The following FRMPD4 variants were observed in gnomAD, a reference collection of about 807,000 sequenced individuals.
FRMPD4 encodes the protein FERM and PDZ domain containing 4, also known as FERM and PDZ domain-containing protein 4.
FRMPD4 carries 22 observed loss-of-function variants against 94.1 expected under a neutral mutation model. The ratio of observed to expected loss-of-function variants is 0.23; its 90% confidence interval spans 0.17 to 0.33. The LOEUF (loss-of-function observed/expected upper bound fraction) is 0.33, where lower values mean the gene tolerates loss of function less well. FRMPD4 is among the 10% of genes least tolerant of loss of function. FRMPD4 has a pLI of 1.00. For synonymous variants in FRMPD4, 631 were observed against 548.6 expected (o/e 1.15, Z -2.10); for missense variants, 1,111 against 1,339.9 (o/e 0.83, Z 2.67).
chrX:12,334,950 G>A (rs769596077), intron 1 of FRMPD4, among the ~76,000 whole-genome samples: 4 of 110,378 alleles, frequency 3.6e-5, no homozygotes, highest in Non-Finnish European at 5.7e-5. Context: ...AACACTATGC[G>A]GATTATTATC....
chrX:12,614,981 A>G (rs1602212385), intron 4 of FRMPD4, 100 bp downstream of exon 4: 3 of 418,218 alleles, frequency 7.2e-6, no homozygotes, highest in Admixed American at 4.0e-5. Context: ...GGGACAATTT[A>G]GGATGGAAAT....
chrX:11,933,884 G>A (rs749281046), intron 3 of FRMPD4, among the ~76,000 whole-genome samples: 83 of 111,905 alleles, frequency 7.4e-4, no homozygotes, highest in African/African-American at 2.5e-3. Flanking sequence ...TTGTTCCCTC[G>A]TTTATGTTTG....
rs758609418 is a variant in FRMPD4, at chrX:12,063,924, A to G, written c.95+185906A>G. Among the ~76,000 whole-genome samples, 18 of 112,841 alleles carry G rather than the reference A, an allele frequency of 1.6e-4. No homozygotes were observed. In the South Asian group the frequency reaches 4.0e-3, roughly 25 times the overall value. The stretch of plus-strand genomic sequence containing the variant: ...AAATTAGTGTCATGTATAGAGAAAA[A>G]CAAATGGATTCACTTTTGTTTTGAT... On this transcript the variant is annotated intron_variant, in intron 3 of 18. Transcript: ENST00000640291.
At chrX:12,686,507 A>G (rs1796950768) in intron 7 of FRMPD4, among the ~76,000 whole-genome samples, 1 of 112,277 alleles carries the variant, frequency 8.9e-6, no homozygotes, top group African/African-American at 3.2e-5. Flanking sequence ...TAGTGTGACT[A>G]TCACCAAGAA....
At chrX:11,886,734 C>CT (rs11328004) in intron 3 of FRMPD4, among the ~76,000 whole-genome samples, 17 of 106,897 alleles carry the variant, frequency 1.6e-4, no homozygotes, top group South Asian at 4.1e-4. Context: ...GTAATCGTGA[C>CT]TTTTTTTTTT....
intron 3 of FRMPD4, among the ~76,000 whole-genome samples, chrX:12,019,167 ATT>A (rs201291254): frequency 8.9e-5 from 9 of 100,580 alleles, no homozygotes; most frequent in African/African-American, 2.2e-4. Context: ...TTGTTTAGAG[ATT>A]TTTTTTTTTT....
intron 1 of FRMPD4, among the ~76,000 whole-genome samples, chrX:11,861,524 C>G (rs2053686894): frequency 9.0e-6 from 1 of 111,730 alleles, no homozygotes. Context: ...AGCACCAGGT[C>G]AGAATTTGTC....
chrX:12,536,813 A>C (rs778755755), intron 2 of FRMPD4, among the ~76,000 whole-genome samples: 85 of 111,690 alleles, frequency 7.6e-4, no homozygotes, highest in Non-Finnish European at 1.4e-3. Flanking sequence ...AAAACAAAAA[A>C]ACATTGCAAA....
chrX:12,517,985 C>T (rs1239019566), intron 2 of FRMPD4, among the ~76,000 whole-genome samples: 5 of 112,253 alleles, frequency 4.5e-5, no homozygotes, highest in African/African-American at 1.3e-4. Context: ...AGTCTGGCCA[C>T]GATCTGCCAC....
At chrX:12,496,956 A>G (rs964529900) in intron 1 of FRMPD4, among the ~76,000 whole-genome samples, 2 of 111,735 alleles carry the variant, frequency 1.8e-5, no homozygotes, top group African/African-American at 6.5e-5. Flanking sequence ...AATAAAATTC[A>G]GCCTTCCTCC....
rs1264549776 is a variant in FRMPD4, at chrX:12,029,488, GTTCT to G, written c.95+151478_95+151481del. The stretch of plus-strand genomic sequence containing the variant: ...AATTTTAATGAAGTCCAGCTTATCA[GTTCT>G]TTCTTTCATGGATCATGCCTTTAGT... On this transcript the variant is annotated intron_variant, in intron 3 of 18. Transcript: ENST00000640291. Among the ~76,000 whole-genome samples, 4 of 111,795 alleles carry G rather than the reference GTTCT, an allele frequency of 3.6e-5. No homozygotes were observed. The East Asian group carries it at 1.1e-3, about 31-fold the overall frequency.
intron 14 of FRMPD4, 41 bp downstream of exon 14, chrX:12,710,578 A>C: frequency 8.9e-7 from 1 of 1,118,287 alleles, no homozygotes; most frequent in East Asian, 3.0e-5. Context: ...ACCTCCCTGC[A>C]AACACCCCAC....
At chrX:12,203,954 G>A (rs1251539657) in intron 1 of FRMPD4, among the ~76,000 whole-genome samples, 1 of 112,313 alleles carries the variant, frequency 8.9e-6, no homozygotes, top group Non-Finnish European at 1.9e-5. Context: ...AATCTATTTA[G>A]CCTTTTCTTT....
chrX:12,550,913 GAATA>G (rs1336395338), intron 2 of FRMPD4, among the ~76,000 whole-genome samples: 1 of 81,816 alleles, frequency 1.2e-5, no homozygotes, highest in East Asian at 3.5e-4. Context: ...AAATATATAC[GAATA>G]CATAAAATAT....
chrX:12,430,757 C>G (rs1358330259), intron 1 of FRMPD4, among the ~76,000 whole-genome samples: 2 of 112,303 alleles, frequency 1.8e-5, no homozygotes, highest in African/African-American at 6.5e-5. Flanking sequence ...TTTATGGCCA[C>G]TGCATTTATA....
At chrX:12,424,149 T>C (rs2056919488) in intron 1 of FRMPD4, among the ~76,000 whole-genome samples, 1 of 112,295 alleles carries the variant, frequency 8.9e-6, no homozygotes, top group South Asian at 3.7e-4. Context: ...ATCTTGGGTA[T>C]GGTTACCGGT....
chrX:12,316,443 G>A (rs909426167), intron 1 of FRMPD4, among the ~76,000 whole-genome samples: 2 of 111,603 alleles, frequency 1.8e-5, no homozygotes, highest in African/African-American at 6.5e-5. Flanking sequence ...GTGAGCTGCC[G>A]TGCCCAGCCC....
chrX:12,199,873 T>C (rs1257116134), intron 1 of FRMPD4, among the ~76,000 whole-genome samples: 4 of 111,344 alleles, frequency 3.6e-5, no homozygotes, highest in African/African-American at 1.3e-4. Context: ...TGGGGAGTGC[T>C]GATTGGTCCA....
At chrX:12,360,907 GCTT>G (rs2055976072) in intron 1 of FRMPD4, among the ~76,000 whole-genome samples, 1 of 104,906 alleles carries the variant, frequency 9.5e-6, no homozygotes. Flanking sequence ...GACATCTGTA[GCTT>G]CTTGTATTCT....
Sources: gnomAD v4.1 joint callset for allele counts (sites outside exome capture counted in the v4.1 genomes callset) on GRCh38, gnomAD v4.1.1 for gene constraint, MANE v1.5 for transcripts, NCBI Gene and HGNC (gene_info 2026-07-23, HGNC 2026-07-21) for gene names.